Variants in STX16 observed in about 807,000 individuals in gnomAD.
STX16 encodes syntaxin-16.
Under a neutral mutation model 42.7 loss-of-function variants are expected in STX16, and 28 were observed. That is an observed-to-expected ratio of 0.66 (90% confidence interval 0.49 to 0.90). The LOEUF (loss-of-function observed/expected upper bound fraction) is 0.90. Among genes scored for constraint, STX16 ranks in the 40% least tolerant of loss-of-function variants. STX16 has a pLI of 0.00. For missense variants in STX16, 361 were observed against 420.9 expected, an observed-to-expected ratio of 0.86 and a Z score of 1.24; for synonymous variants, 156 against 155.2, an observed-to-expected ratio of 1.00 and a Z score of -0.04.
intron 7 of STX16, among the ~76,000 whole-genome samples, chr20:58,672,894 A>T (rs2084014773): frequency 6.6e-6 from 1 of 152,166 alleles, no homozygotes; most frequent in Non-Finnish European, 1.5e-5. Flanking sequence ...TTGGGTCCTG[A>T]TCCCCCTGAA....
intron 7 of STX16, among the ~76,000 whole-genome samples, chr20:58,672,337 A>AAT (rs376444654): frequency 3.7e-4 from 55 of 150,364 alleles, no homozygotes; most frequent in South Asian, 1.5e-3. Flanking sequence ...TGTCTCAAAA[A>AAT]ATATATATAT....
Position 58,652,104 on chromosome 20 carries a change from C to T in STX16, c.98C>T (p.Thr33Ile), listed in dbSNP as rs764385896. ...LLAEQVSSHI[T>I]SSPLHSRSIA... ...GCCGAGCAAGTGAGTAGTCACATCA[C>T]CTCCAGCCCTCTGCATTCACGTAGC... is the stretch of plus-strand genomic sequence containing the variant. Residue 33 changes from threonine (T) to isoleucine (I), a missense_variant, in exon 1 of 9, where the codon ACC becomes ATC. Thr to Ile is a moderately conservative substitution (Grantham distance 89, BLOSUM62 -1). Coordinates refer to ENST00000371141, the MANE Select transcript of STX16 (RefSeq NM_001001433.3). 3.1e-6 allele frequency: 5 copies of T among 1,614,086 alleles called. No individual in the cohort carries two copies. The highest frequency in any genetic ancestry group is 2.2e-5 in the East Asian group (1 of 44,900).
At chr20:58,654,447 A>G (rs1197039456) in intron 1 of STX16, among the ~76,000 whole-genome samples, 3 of 152,256 alleles carry the variant, frequency 2.0e-5, no homozygotes, top group Admixed American at 6.5e-5. Context: ...TCGTAACAAA[A>G]TCTATTCTGC....
rs2083606495 is a variant in STX16, at chr20:58,657,352, G to A, written c.133-2271G>A. On this transcript the variant is annotated intron_variant, in intron 1 of 8. Coordinates refer to ENST00000371141, the MANE Select transcript of STX16 (RefSeq NM_001001433.3). The surrounding 1 kb of genome is among the most constrained non-coding windows in gnomAD (Gnocchi z 4.2). The stretch of plus-strand genomic sequence containing the variant: ...CCATGGGAGCAGTGAGGCTTACTTT[G>A]AGAATAAGGGTACTTTGTTGGATAA... 6.6e-6 allele frequency among the ~76,000 whole-genome samples: 1 copy of A among 152,172 alleles called. No homozygotes were observed. Among genetic ancestry groups the A allele is most frequent in the South Asian group, 2.1e-4 (1 of 4,830 alleles).
At chr20:58,667,063 A>G (rs2083851844) in intron 2 of STX16, 2 of 297,182 alleles carry the variant, frequency 6.7e-6, no homozygotes, top group Non-Finnish European at 1.3e-5. Flanking sequence ...TAGTTGTTTC[A>G]TTTACTGCCT....
intron 2 of STX16, among the ~76,000 whole-genome samples, chr20:58,662,377 C>T (rs1445489063): frequency 6.6e-6 from 1 of 152,204 alleles, no homozygotes; most frequent in East Asian, 1.9e-4. Context: ...CAGGGAGGGA[C>T]GGATTGCTCC....
intron 8 of STX16, 49 bp from the exon 9 acceptor site, chr20:58,676,138 T>C: frequency 6.6e-7 from 1 of 1,522,542 alleles, no homozygotes. Flanking sequence ...GGGACTTGAT[T>C]TGGGATTTTG....
chr20:58,656,565 C>T (rs568533472), intron 1 of STX16, among the ~76,000 whole-genome samples: 5 of 152,252 alleles, frequency 3.3e-5, no homozygotes, highest in South Asian at 2.1e-4. Flanking sequence ...CTTCGATCTC[C>T]GGGAATGGAT....
At chr20:58,671,027 A>C (rs1405219649) in intron 6 of STX16, 127 bp from the exon 7 acceptor site, 2 of 1,024,450 alleles carry the variant, frequency 2.0e-6, no homozygotes, top group Admixed American at 5.8e-5. Context: ...TGCTTTGTAG[A>C]AATATTTTCA....
chr20:58,662,545 CTG>C (rs2083724749), intron 2 of STX16, among the ~76,000 whole-genome samples: 2 of 152,190 alleles, frequency 1.3e-5, no homozygotes, highest in Admixed American at 1.3e-4. Flanking sequence ...GAGTCTCACT[CTG>C]TTGCCCAGGC....
intron 2 of STX16, among the ~76,000 whole-genome samples, chr20:58,660,127 T>C (rs1259198634): frequency 6.6e-6 from 1 of 152,226 alleles, no homozygotes; most frequent in Non-Finnish European, 1.5e-5. Context: ...GGAGCTATTG[T>C]CACCTGGGCC....
chr20:58,671,160 A>G lies in STX16; in HGVS notation c.655A>G (p.Thr219Ala). The change falls in exon 7 of 9, where the codon ACA becomes GCA. Residue 219 changes from threonine to alanine, a missense_variant. Coordinates refer to ENST00000371141, the MANE Select transcript of STX16 (RefSeq NM_001001433.3). ...DDNTLYHRGF[T>A]EDQLVLVEQN... ...TTGTGCACTGTCTTGCTAGGGTTTTACAGAGGACCAGTTAGTTCTGGTGGA... is the reference window on the plus strand; with the variant it reads ...TTGTGCACTGTCTTGCTAGGGTTTTGCAGAGGACCAGTTAGTTCTGGTGGA... 1 of 1,613,802 alleles carries G rather than the reference A, an allele frequency of 6.2e-7. No homozygotes were observed. Among genetic ancestry groups the G allele is most frequent in the Non-Finnish European group, 8.5e-7 (1 of 1,179,774 alleles).
At chr20:58,652,899 C>A (rs932594580) in intron 1 of STX16, among the ~76,000 whole-genome samples, 4 of 151,892 alleles carry the variant, frequency 2.6e-5, no homozygotes, top group Non-Finnish European at 5.9e-5. Context: ...CTTTAGTTAG[C>A]CTAGCAGTAG....
chr20:58,657,787 C>G lies in STX16; in HGVS notation c.133-1836C>G, dbSNP rs1031167065. 6.6e-6 allele frequency among the ~76,000 whole-genome samples: 1 copy of G among 152,100 alleles called. No homozygotes were observed. The highest frequency in any genetic ancestry group is 1.5e-5 in the Non-Finnish European group (1 of 68,024). ...TTGAAAGCCTTCTATTTTTAAATAG[C>G]AGAATGGTGGGGAGGGTCTTTGAAA... On this transcript the variant is annotated intron_variant, in intron 1 of 8. Transcript: ENST00000371141. The surrounding 1 kb of genome is among the most constrained non-coding windows in gnomAD (Gnocchi z 4.2).
intron 7 of STX16, among the ~76,000 whole-genome samples, chr20:58,672,565 G>C (rs1048879319): frequency 1.3e-5 from 2 of 151,906 alleles, no homozygotes; most frequent in East Asian, 3.9e-4. Flanking sequence ...TACTCAGCCT[G>C]TATATGTGTG....
intron 2 of STX16, among the ~76,000 whole-genome samples, chr20:58,663,732 C>T (rs768089102): frequency 2.8e-4 from 43 of 151,982 alleles, no homozygotes; most frequent in Non-Finnish European, 5.3e-4. Flanking sequence ...GGCTGGAGCA[C>T]ATTGGCACGA....
At chr20:58,663,916 A>G (rs1414683469) in intron 2 of STX16, among the ~76,000 whole-genome samples, 1 of 152,082 alleles carries the variant, frequency 6.6e-6, no homozygotes, top group Non-Finnish European at 1.5e-5. Flanking sequence ...GACCTCAGGC[A>G]ATCCGCCTGC....
At chr20:58,668,490 A>G (rs2083893309) in intron 4 of STX16, among the ~76,000 whole-genome samples, 1 of 152,244 alleles carries the variant, frequency 6.6e-6, no homozygotes, top group Non-Finnish European at 1.5e-5. Context: ...ACAACTTAGT[A>G]TCCTAGAAAA....
chr20:58,671,130 A>AC (rs1568826911), intron 6 of STX16, 24 bp from the exon 7 acceptor site: 1 of 1,603,724 alleles, frequency 6.2e-7, no homozygotes, highest in Non-Finnish European at 8.5e-7. Context: ...AATCTATCCA[A>AC]CACATTGTGC....
Sources: gnomAD v4.1 joint callset for allele counts (sites outside exome capture counted in the v4.1 genomes callset) on GRCh38, gnomAD v4.1.1 for gene constraint, Gnocchi (gnomAD v3.1) non-coding constraint, MANE v1.5 for transcripts, NCBI Gene and HGNC (gene_info 2026-07-23, HGNC 2026-07-21) for gene names.